Variants in CHD1 observed in about 807,000 individuals in gnomAD.
CHD1 encodes the protein ATP-dependent chromatin remodeler CHD1.
In CHD1, 36 loss-of-function variants were observed where a neutral mutation model predicts 224.2. That is an observed-to-expected ratio of 0.16 (90% CI 0.12 to 0.21). CHD1 has a LOEUF of 0.21. Ranked by LOEUF, CHD1 falls within the 10% of genes least tolerant of loss-of-function variation. The pLI, the probability that CHD1 is intolerant of heterozygous loss-of-function variation, is 1.00. For synonymous variants in CHD1, 668 were observed against 658.3 expected, an observed-to-expected ratio of 1.01 and a Z score of -0.23; for missense variants, 1,378 against 1,994.8, an observed-to-expected ratio of 0.69 and a Z score of 5.89.
rs766825080 is a variant in CHD1 at position 98,881,186 on chromosome 5, A to T, written c.2965-15T>A. The T allele has an allele frequency of 6.5e-7, 1 of 1,534,330 alleles. No homozygotes were observed. Among genetic ancestry groups the T allele is most frequent in the South Asian group, 1.2e-5 (1 of 84,684 alleles). ...ATATCCATTTCCTATAATTAAAAAG[A>T]CAATATTTAAATATACTTGAATCCT... is the stretch of plus-strand genomic sequence containing the variant. On this transcript the variant is annotated splice_polypyrimidine_tract_variant and intron_variant, in intron 21 of 35. Transcript: ENST00000614616.
At chr5:98,873,766 A>C in intron 25 of CHD1, 43 bp from the exon 26 acceptor site, 1 of 1,559,670 alleles carries the variant, frequency 6.4e-7, no homozygotes, top group Non-Finnish European at 8.7e-7. Context: ...ATGTTAAATG[A>C]AGTGGTGCCA....
Position 98,858,393 on chromosome 5 carries a change from G to A in CHD1, c.4577-3C>T. On this transcript the variant is annotated splice_region_variant and splice_polypyrimidine_tract_variant and intron_variant, in intron 34 of 35. Coordinates refer to ENST00000614616, the MANE Select transcript of CHD1 (RefSeq NM_001270.4). Reference sequence around the variant, plus strand: ...ATTCTCTTTTAATCTTTCCACATCTGTTAGATAAGTACAACTTTTATTAAT... The same window carrying A: ...ATTCTCTTTTAATCTTTCCACATCTATTAGATAAGTACAACTTTTATTAAT... The A allele has an allele frequency of 6.2e-7, 1 of 1,604,698 alleles. No individual in the cohort carries two copies. Among genetic ancestry groups the A allele is most frequent in the Non-Finnish European group, 8.5e-7 (1 of 1,172,812 alleles).
Position 98,892,585 on chromosome 5 carries a change from G to A in CHD1, c.2120C>T (p.Pro707Leu), listed in dbSNP as rs1481957374. 6.2e-7 allele frequency: 1 copy of A among 1,613,694 alleles called. No homozygotes were observed. The highest frequency in any genetic ancestry group is 2.2e-5 in the East Asian group (1 of 44,878). ...TCTTAAAATCTGCTCAACCTTGGCA[G>A]GAAGAGATTTTTCCACATCTTTCTT... ...RVKKDVEKSLPAKVEQILRME... is the reference protein window; with the variant it reads ...RVKKDVEKSLLAKVEQILRME... The change falls in exon 15 of 36, where the codon CCT becomes CTT. Residue 707 changes from proline to leucine, a missense_variant. Transcript: ENST00000614616.
chr5:98,875,381 CTTCA>C (rs1414393006), intron 24 of CHD1, among the ~76,000 whole-genome samples: 1 of 152,050 alleles, frequency 6.6e-6, no homozygotes, highest in Non-Finnish European at 1.5e-5. Context: ...TTAAAAATTA[CTTCA>C]TTATTTTCAT....
intron 12 of CHD1, 64 bp downstream of exon 12, chr5:98,896,162 C>CA: frequency 2.1e-6 from 3 of 1,420,970 alleles, no homozygotes; most frequent in East Asian, 2.3e-5. Context: ...CTCAAAACAA[C>CA]AAAAACACTT....
chr5:98,885,678 T>C, intron 17 of CHD1, 29 bp from the exon 18 acceptor site: 1 of 1,198,608 alleles, frequency 8.3e-7, no homozygotes, highest in Non-Finnish European at 1.2e-6. Flanking sequence ...AAATACTGCA[T>C]AAACAGAATC....
rs558955194 is a variant in CHD1 at position 98,907,836 on chromosome 5, A to G, written c.54-2738T>C. On this transcript the variant is annotated intron_variant, in intron 2 of 35. Coordinates refer to ENST00000614616, the MANE Select transcript of CHD1 (RefSeq NM_001270.4). ...GGAAGAGTAGAAGGAACAGCAATTGAAATGAGTCTTCAGTTTTAGAATTAC... is the reference window on the plus strand; with the variant it reads ...GGAAGAGTAGAAGGAACAGCAATTGGAATGAGTCTTCAGTTTTAGAATTAC... 2.6e-5 allele frequency among the ~76,000 whole-genome samples: 4 copies of G among 152,216 alleles called. No homozygotes were observed. In the South Asian group the frequency reaches 8.3e-4, roughly 32 times the overall value.
Position 98,872,219 on chromosome 5 carries a change from A to G in CHD1, c.3711-18T>C, listed in dbSNP as rs1395143756. 6.3e-7 allele frequency: 1 copy of G among 1,594,170 alleles called. No homozygotes were observed. The highest frequency in any genetic ancestry group is 1.4e-5 in the African/African-American group (1 of 73,854). On this transcript the variant is annotated intron_variant, in intron 27 of 35. Transcript: ENST00000614616. ...TAGTATACCTGGCATCAAAGTTAAT[A>G]ACTAATGATAAGTTTGTAATTGCCT...
In CHD1 at chr5:98,871,369, CAAAAAAAAAAAAAAAA is replaced by C. The variant is rs61406690; in HGVS notation, c.3862-582_3862-567del. On this transcript the variant is annotated intron_variant, in intron 28 of 35. Transcript: ENST00000614616. ...TTCTCCCAGTGTTTCCCATTTTAGGCAAAAAAAAAAAAAAAAAAAAAAAAAAAAAAGGATTTCAGCT... is the reference window on the plus strand; with the variant it reads ...TTCTCCCAGTGTTTCCCATTTTAGGCAAAAAAAAAAAAAAGGATTTCAGCT... 4.0e-3 allele frequency among the ~76,000 whole-genome samples: 187 copies of C among 46,804 alleles called. 2 individuals carry two copies. The highest frequency in any genetic ancestry group is 0.019 in the African/African-American group (171 of 9,120). 30.7% of individuals were successfully genotyped at this position (46,804 alleles called of 152,430 possible).
At chr5:98,899,750 G>A (rs1751571808) in intron 7 of CHD1, 45 bp from the exon 8 acceptor site, 1 of 1,369,316 alleles carries the variant, frequency 7.3e-7, no homozygotes. Flanking sequence ...TAATTCTGTT[G>A]TAGGATTATA....
At chr5:98,914,293 C>T (rs935373101) in intron 2 of CHD1, among the ~76,000 whole-genome samples, 1 of 152,190 alleles carries the variant, frequency 6.6e-6, no homozygotes, top group South Asian at 2.1e-4. Context: ...AAGGTTTGAA[C>T]TCCCTTACCT....
chr5:98,911,338 A>G (rs1752410861), intron 2 of CHD1, among the ~76,000 whole-genome samples: 1 of 151,696 alleles, frequency 6.6e-6, no homozygotes, highest in Non-Finnish European at 1.5e-5. Flanking sequence ...TGATGACAGA[A>G]ACAGACACAC....
At chr5:98,927,517 A>G (rs755115430) in intron 1 of CHD1, among the ~76,000 whole-genome samples, 1 of 152,186 alleles carries the variant, frequency 6.6e-6, no homozygotes, top group Non-Finnish European at 1.5e-5. Flanking sequence ...AATGATAGCA[A>G]AGTCTGCATC....
At chr5:98,917,541 C>G (rs898065975) in intron 2 of CHD1, among the ~76,000 whole-genome samples, 3 of 152,294 alleles carry the variant, frequency 2.0e-5, no homozygotes, top group East Asian at 3.9e-4. Flanking sequence ...ATCTAAATAA[C>G]TATCTGAAAA....
At chr5:98,881,055 G>A (rs2112390880) in intron 22 of CHD1, 21 bp downstream of exon 22, 2 of 1,442,592 alleles carry the variant, frequency 1.4e-6, no homozygotes, top group Non-Finnish European at 1.9e-6. Flanking sequence ...TAATTACAAG[G>A]AAAATTTTGT....
chr5:98,909,348 GTTC>G, intron 2 of CHD1, among the ~76,000 whole-genome samples: 1 of 152,182 alleles, frequency 6.6e-6, no homozygotes, highest in South Asian at 2.1e-4. Flanking sequence ...TTCAAATTCA[GTTC>G]TTCTTGACAA....
Position 98,903,891 on chromosome 5 carries a change from A to G in CHD1, c.273T>C (p.Pro91=), listed in dbSNP as rs778780539. The part of the protein sequence containing the change: ...VDGAEFWKSS[P]SILAVQRSAI... ...CAGATCTCTGAACGGCCAGAATACT[A>G]GGACTAGATTTCCAAAACTATAATA... is the stretch of plus-strand genomic sequence containing the variant. Residue 91 remains proline, a synonymous_variant, in exon 4 of 36, where the codon CCT becomes CCC. Transcript: ENST00000614616. 1 of 1,603,942 alleles carries G rather than the reference A, an allele frequency of 6.2e-7. No homozygotes were observed. The highest frequency in any genetic ancestry group is 8.5e-7 in the Non-Finnish European group (1 of 1,173,742).
intron 2 of CHD1, 23 bp downstream of exon 2, chr5:98,926,311 T>C (rs549030769): frequency 1.6e-5 from 23 of 1,426,518 alleles, no homozygotes; most frequent in Middle Eastern, 3.5e-4. Flanking sequence ...TAGTAAACAA[T>C]TGATAACAAA....
chr5:98,870,005 CTG>C, intron 29 of CHD1, 123 bp from the exon 30 acceptor site: 2 of 658,554 alleles, frequency 3.0e-6, no homozygotes, highest in Non-Finnish European at 5.1e-6. Context: ...TGGTAATAAG[CTG>C]TACCAACATC....
Sources: allele counts gnomAD v4.1 joint callset (sites outside exome capture counted in the v4.1 genomes callset), GRCh38; gene constraint gnomAD v4.1.1; transcripts MANE v1.5; gene names NCBI Gene and HGNC (gene_info 2026-07-23, HGNC 2026-07-21).